Variants in DPY19L3 observed in about 807,000 individuals in gnomAD.
DPY19L3 encodes protein C-mannosyl-transferase DPY19L3.
DPY19L3 carries 51 observed loss-of-function variants against 92.3 expected under a neutral mutation model. That is an observed-to-expected ratio of 0.55 (90% confidence interval 0.44 to 0.70). DPY19L3 has a LOEUF of 0.70. Among genes scored for constraint, DPY19L3 ranks in the 30% least tolerant of loss-of-function variants. The probability of loss-of-function intolerance (pLI) is 0.00; values close to 1 mark genes in which losing one functional copy is unlikely to be tolerated. For synonymous variants in DPY19L3, 309 were observed against 315.2 expected, an observed-to-expected ratio of 0.98 and a Z score of 0.21; for missense variants, 706 against 855.9, an observed-to-expected ratio of 0.82 and a Z score of 2.18.
chr19:32,408,657 C>G (rs1400900133), intron 2 of DPY19L3, among the ~76,000 whole-genome samples: 1 of 152,190 alleles, frequency 6.6e-6, no homozygotes, highest in African/African-American at 2.4e-5. Flanking sequence ...TTTAGTCTCT[C>G]TCTAATTTTT....
intron 3 of DPY19L3, among the ~76,000 whole-genome samples, chr19:32,428,224 G>T (rs553012439): frequency 4.4e-4 from 67 of 152,138 alleles, no homozygotes; most frequent in South Asian, 1.2e-3. Flanking sequence ...TGCCCACCTC[G>T]GCTTCCCAAA....
At chr19:32,446,126 T>G (rs1310263510) in intron 8 of DPY19L3, among the ~76,000 whole-genome samples, 6 of 152,186 alleles carry the variant, frequency 3.9e-5, no homozygotes, top group Non-Finnish European at 8.8e-5. Context: ...AAATGGAGGT[T>G]AGGGTTCTAT....
intron 16 of DPY19L3, among the ~76,000 whole-genome samples, chr19:32,474,565 TG>T (rs1371451744): frequency 5.9e-5 from 9 of 152,086 alleles, no homozygotes; most frequent in Admixed American, 5.2e-4. Context: ...TTGAAGTGTT[TG>T]TCTGTAATGG....
intron 10 of DPY19L3, among the ~76,000 whole-genome samples, chr19:32,455,313 T>TGACTCAA (rs1212298557): frequency 3.5e-4 from 54 of 152,326 alleles, no homozygotes; most frequent in African/African-American, 1.3e-3. Flanking sequence ...TGTATTAACG[T>TGACTCAA]GACTCAAGAG....
At chr19:32,475,461 G>A (rs1970478187) in intron 16 of DPY19L3, among the ~76,000 whole-genome samples, 2 of 152,156 alleles carry the variant, frequency 1.3e-5, no homozygotes, top group Admixed American at 6.5e-5. Context: ...TTTTGGCATG[G>A]GTGTGTCAAG....
rs1568321630 is a variant in DPY19L3 at position 32,411,305 on chromosome 19, T to C, written c.170T>C (p.Ile57Thr). 6.2e-7 allele frequency: 1 copy of C among 1,613,814 alleles called. No individual in the cohort carries two copies. The highest frequency in any genetic ancestry group is 8.5e-7 in the Non-Finnish European group (1 of 1,179,868). The change falls in exon 3 of 19, where the codon ATT becomes ACT. Residue 57 changes from isoleucine to threonine, a missense_variant. Physicochemically the swap from Ile to Thr is moderately conservative, Grantham distance 89. Coordinates refer to ENST00000392250, the MANE Select transcript of DPY19L3 (RefSeq NM_001172774.2). ...LTIGGTIALC[I>T]GLLTSVYLAT... The stretch of plus-strand genomic sequence containing the variant: ...ATTGGTGGAACCATTGCCCTTTGCA[T>C]TGGACTTCTTACATCTGTCTACCTT...
At chr19:32,458,593 A>G in intron 12 of DPY19L3, 84 bp downstream of exon 12, 1 of 1,360,824 alleles carries the variant, frequency 7.3e-7, no homozygotes, top group East Asian at 2.3e-5. Context: ...GAAAGTCAGA[A>G]TATCAGACAC....
intron 2 of DPY19L3, 69 bp downstream of exon 2, chr19:32,408,425 A>G: frequency 3.4e-6 from 4 of 1,161,522 alleles, no homozygotes; most frequent in South Asian, 1.4e-5. Flanking sequence ...GTCACTCTCC[A>G]ATAGGATAAA....
intron 12 of DPY19L3, 130 bp from the exon 13 acceptor site, chr19:32,463,236 A>G (rs1970095739): frequency 5.7e-6 from 6 of 1,047,024 alleles, no homozygotes; most frequent in Non-Finnish European, 6.9e-6. Flanking sequence ...ATGCGAATTC[A>G]TTTCATCTTA....
intron 18 of DPY19L3, 147 bp downstream of exon 18, chr19:32,480,704 G>A (rs2145644389): frequency 1.8e-6 from 2 of 1,137,352 alleles, no homozygotes; most frequent in East Asian, 5.2e-5. Flanking sequence ...GCTTCCTACA[G>A]AAGCCCTCTC....
At chr19:32,426,662 C>T (rs773229716) in intron 3 of DPY19L3, among the ~76,000 whole-genome samples, 15 of 152,106 alleles carry the variant, frequency 9.9e-5, no homozygotes, top group Non-Finnish European at 1.9e-4. Flanking sequence ...TTCAGTTCAC[C>T]GTCTTACATG....
At chr19:32,476,931 A>T (rs1214295719) in intron 16 of DPY19L3, among the ~76,000 whole-genome samples, 3 of 151,640 alleles carry the variant, frequency 2.0e-5, no homozygotes, top group African/African-American at 7.3e-5. Flanking sequence ...GGTATCTGTG[A>T]TTTTTTTCCT....
chr19:32,430,471 G>C (rs1307564879), intron 3 of DPY19L3, among the ~76,000 whole-genome samples: 2 of 152,010 alleles, frequency 1.3e-5, no homozygotes, highest in African/African-American at 2.4e-5. Flanking sequence ...GTGAAAGGAA[G>C]TTCAATATAT....
At chr19:32,467,428 G>A (rs1028128857) in intron 15 of DPY19L3, 1 of 986,450 alleles carries the variant, frequency 1.0e-6, no homozygotes, top group Admixed American at 6.2e-5. Context: ...TATTACAAAG[G>A]CATCATTTAA....
At position 32,437,192 on chromosome 19, in the gene DPY19L3, A is replaced by C. The variant is rs1474651480; in HGVS notation, c.451-2A>C. 1 of 1,613,832 alleles carries C rather than the reference A, an allele frequency of 6.2e-7. No individual in the cohort carries two copies. Among genetic ancestry groups the C allele is most frequent in the East Asian group, 2.2e-5 (1 of 44,882 alleles). ...AACATGTTTTATTGTTCCCTTTTAC[A>C]GAAATATTTAGAGCCAGTTTATTTT... On this transcript the variant is annotated splice_acceptor_variant, in intron 5 of 18. Transcript: ENST00000392250. LOFTEE classifies it high-confidence loss of function.
At position 32,468,277 on chromosome 19, in the gene DPY19L3, G is replaced by A. The variant is rs2145612364; in HGVS notation, c.1615-454G>A. 3.0e-6 allele frequency: 3 copies of A among 986,008 alleles called. 1 individual carries two copies. In the Middle Eastern group the frequency reaches 1.6e-3, roughly 516 times the overall value. The allele number at this position is 986,008 out of a possible 1,614,324, so 61.1% of individuals were successfully genotyped here. On this transcript the variant is annotated intron_variant, in intron 15 of 18. Transcript: ENST00000392250. Reference sequence around the variant, plus strand: ...GGATAAAACAAGGCCGTATTCTAAAGCATTTTTGCAGCAGTAAAATGGCTC... The same window carrying A: ...GGATAAAACAAGGCCGTATTCTAAAACATTTTTGCAGCAGTAAAATGGCTC...
At chr19:32,409,028 T>C (rs1325199806) in intron 2 of DPY19L3, among the ~76,000 whole-genome samples, 1 of 152,238 alleles carries the variant, frequency 6.6e-6, no homozygotes, top group African/African-American at 2.4e-5. Flanking sequence ...TTTACAGCCA[T>C]GTTAATTCTT....
chr19:32,452,214 C>A (rs1279282659), intron 8 of DPY19L3, among the ~76,000 whole-genome samples: 1 of 152,202 alleles, frequency 6.6e-6, no homozygotes, highest in African/African-American at 2.4e-5. Flanking sequence ...CTCTTGTTCA[C>A]GATGAACCAT....
Position 32,482,371 on chromosome 19 carries a change from G to A in DPY19L3, c.*131G>A. ...TGTGATATGAGTAAGTTCTACAGATGTTTACACAAGTGTTGCCATCTTTGA... is the reference window on the plus strand; with the variant it reads ...TGTGATATGAGTAAGTTCTACAGATATTTACACAAGTGTTGCCATCTTTGA... On this transcript the variant is annotated 3_prime_UTR_variant, in exon 19 of 19. Coordinates refer to ENST00000392250, the MANE Select transcript of DPY19L3 (RefSeq NM_001172774.2). 1 of 1,031,552 alleles carries A rather than the reference G, an allele frequency of 9.7e-7. No individual in the cohort carries two copies. Among genetic ancestry groups the A allele is most frequent in the Non-Finnish European group, 1.4e-6 (1 of 715,738 alleles). 63.9% of individuals were successfully genotyped at this position (1,031,552 alleles called of 1,614,324 possible).
Sources: allele counts gnomAD v4.1 joint callset (sites outside exome capture counted in the v4.1 genomes callset), GRCh38; gene constraint gnomAD v4.1.1; transcripts MANE v1.5; gene names NCBI Gene and HGNC (gene_info 2026-07-23, HGNC 2026-07-21).